The following PDE1C variants were observed in gnomAD, a reference collection of about 807,000 sequenced individuals.
The protein encoded by PDE1C is dual specificity calcium/calmodulin-dependent 3',5'-cyclic nucleotide phosphodiesterase 1C.
Under a neutral mutation model 93.1 loss-of-function variants are expected in PDE1C, and 62 were observed. The observed-to-expected ratio is 0.67, with a 90% confidence interval of 0.54 to 0.82. The LOEUF is 0.82. Among genes scored for constraint, PDE1C ranks in the 40% least tolerant of loss-of-function variants. PDE1C has a pLI of 0.00. For missense variants in PDE1C, 742 were observed against 884.6 expected, an observed-to-expected ratio of 0.84 and a Z score of 2.04; for synonymous variants, 325 against 310.1, an observed-to-expected ratio of 1.05 and a Z score of -0.50.
At chr7:31,991,842 C>T (rs189534188) in intron 2 of PDE1C, among the ~76,000 whole-genome samples, 1 of 152,332 alleles carries the variant, frequency 6.6e-6, no homozygotes, top group African/African-American at 2.4e-5. Context: ...TAGTAGCATA[C>T]TTAACAACCT....
At chr7:31,872,041 GC>G (rs1224193549) in intron 6 of PDE1C, among the ~76,000 whole-genome samples, 1 of 2,566 alleles carries the variant, frequency 3.9e-4, no homozygotes, top group Non-Finnish European at 1.0e-3. Context: ...ATACTATTCG[GC>G]CATAAAAAAG....
intron 3 of PDE1C, among the ~76,000 whole-genome samples, chr7:32,098,990 T>C (rs903807254): frequency 1.3e-5 from 2 of 152,182 alleles, no homozygotes; most frequent in Admixed American, 6.5e-5. Context: ...CTGAATTGTA[T>C]ACTCAAAAGG....
chr7:31,691,928 T>A, the PDE1C span, among the ~76,000 whole-genome samples: 1 of 152,084 alleles, frequency 6.6e-6, no homozygotes, highest in African/African-American at 2.4e-5. Context: ...GGACTGGACC[T>A]GTATATAGCC....
At chr7:31,956,424 A>T (rs1238831593) in intron 2 of PDE1C, among the ~76,000 whole-genome samples, 1 of 151,454 alleles carries the variant, frequency 6.6e-6, no homozygotes, top group Non-Finnish European at 1.5e-5. Flanking sequence ...CCAGGCAGAC[A>T]GTCTGTAACA....
chr7:31,952,381 C>T (rs1230040979), intron 2 of PDE1C, among the ~76,000 whole-genome samples: 1 of 152,116 alleles, frequency 6.6e-6, no homozygotes, highest in African/African-American at 2.4e-5. Context: ...TCCCAAGAAG[C>T]TAGGATTACA....
chr7:32,005,252 C>A (rs1472796981), intron 2 of PDE1C, among the ~76,000 whole-genome samples: 5 of 152,078 alleles, frequency 3.3e-5, no homozygotes, highest in Non-Finnish European at 5.9e-5. Flanking sequence ...ACATTCACAA[C>A]TGGATAAAAA....
At chr7:31,715,126 T>C in the PDE1C span, among the ~76,000 whole-genome samples, 1 of 152,244 alleles carries the variant, frequency 6.6e-6, no homozygotes, top group Non-Finnish European at 1.5e-5. Flanking sequence ...GGGTTCCTCA[T>C]GTAAAAATAT....
upstream of PDE1C, chr7:32,071,151 G>A: frequency 1.0e-6 from 1 of 985,354 alleles, no homozygotes; most frequent in Non-Finnish European, 1.2e-6. Context: ...ACCCCCGCAG[G>A]GCAGCCGCGG....
chr7:32,392,260 C>G (rs1049148698), intron 1 of PDE1C, among the ~76,000 whole-genome samples: 1 of 152,074 alleles, frequency 6.6e-6, no homozygotes, highest in Admixed American at 6.6e-5. Context: ...GTTAGAAAAT[C>G]TGACTAAACC....
intron 2 of PDE1C, among the ~76,000 whole-genome samples, chr7:31,962,429 G>T (rs375033037): frequency 3.9e-5 from 6 of 152,220 alleles, no homozygotes; most frequent in African/African-American, 1.2e-4. Context: ...CAATGAACAT[G>T]CTTATGGCCC....
chr7:31,764,761 G>A (rs1239317193), intron 17 of PDE1C, among the ~76,000 whole-genome samples: 1 of 152,146 alleles, frequency 6.6e-6, no homozygotes, highest in Admixed American at 6.5e-5. Flanking sequence ...CTGAGGATAG[G>A]TATGCAGTAT....
rs1050285628 is a variant in PDE1C, at chr7:31,753,636, C to T, written c.1961-83G>A. 6.1e-6 allele frequency: 9 copies of T among 1,474,418 alleles called. No individual in the cohort carries two copies. The Admixed American group carries it at 2.2e-4, about 36-fold the overall frequency. The allele number at this position is 1,474,418 out of a possible 1,614,324, so 91.3% of individuals were successfully genotyped here. A position where few individuals can be genotyped will look rare whatever the true frequency, so the allele number is the denominator to read the frequency against. On this transcript the variant is annotated intron_variant, in intron 17 of 17. Coordinates refer to ENST00000396191, the MANE Select transcript of PDE1C (RefSeq NM_001191057.4). ...ACCTAAATATTGTGAGCAACTTCCT[C>T]TAGACCTGTTTGTTTCCTCCAAGAC...
chr7:31,827,386 C>A (rs1789820604), intron 12 of PDE1C, among the ~76,000 whole-genome samples: 2 of 152,162 alleles, frequency 1.3e-5, no homozygotes, highest in African/African-American at 4.8e-5. Context: ...TTCACACACT[C>A]TGTTGTGTAC....
chr7:31,760,237 A>G (rs1794744429), intron 17 of PDE1C, among the ~76,000 whole-genome samples: 1 of 152,200 alleles, frequency 6.6e-6, no homozygotes. Context: ...TCTCAATTTT[A>G]TTTGGCTAAA....
chr7:31,924,406 T>C (rs1450393133), intron 2 of PDE1C, among the ~76,000 whole-genome samples: 2 of 152,356 alleles, frequency 1.3e-5, no homozygotes, highest in Non-Finnish European at 2.9e-5. Context: ...AAGATTCCTC[T>C]GAGCTGACAA....
chr7:31,854,454 T>G (rs982182757), intron 7 of PDE1C, among the ~76,000 whole-genome samples: 9 of 152,204 alleles, frequency 5.9e-5, no homozygotes, highest in African/African-American at 1.9e-4. Flanking sequence ...GCTATCAGTA[T>G]TTTCCTATCT....
intron 11 of PDE1C, 151 bp from the exon 12 acceptor site, chr7:31,828,524 T>G (rs1455154285): frequency 3.4e-6 from 2 of 580,146 alleles, no homozygotes; most frequent in African/African-American, 3.7e-5. Context: ...AGCCTGCTTC[T>G]CTACATAAAA....
chr7:32,425,455 T>C (rs1448263958), intron 1 of PDE1C, among the ~76,000 whole-genome samples: 2 of 152,190 alleles, frequency 1.3e-5, no homozygotes, highest in Non-Finnish European at 2.9e-5. Context: ...CAGAATGTAA[T>C]TTTTAATTGC....
chr7:31,873,356 T>C lies in PDE1C; in HGVS notation c.545A>G (p.Asp182Gly). Residue 182 changes from aspartate (D) to glycine (G), a missense_variant, in exon 6 of 18, where the codon GAT becomes GGT. Physicochemically the swap from Asp to Gly is moderately conservative, Grantham distance 94. This residue lies in a region of PDE1C where 205 missense variants were observed against 295.3 expected (regional missense o/e 0.69). Transcript: ENST00000396191. The stretch of plus-strand genomic sequence containing the variant: ...ATAGAAAATAAATTTCAGTGCATGA[T>C]CCCCACTGGCCTCATTGAGGGAAAA... ...DVFSLNEASG[D>G]HALKFIFYEL... The C allele has an allele frequency of 6.2e-7, 1 of 1,613,894 alleles. No individual in the cohort carries two copies. The highest frequency in any genetic ancestry group is 8.5e-7 in the Non-Finnish European group (1 of 1,179,822).
Sources: gnomAD v4.1 joint callset for allele counts (sites outside exome capture counted in the v4.1 genomes callset) on GRCh38, gnomAD v4.1.1 for gene constraint, gnomAD v4.1.1 regional missense constraint, MANE v1.5 for transcripts, NCBI Gene and HGNC (gene_info 2026-07-23, HGNC 2026-07-21) for gene names.